The following BCO1 variants were observed in gnomAD, a reference collection of about 807,000 sequenced individuals.
BCO1 encodes beta-carotene oxygenase 1, also known as beta,beta-carotene 15,15'-dioxygenase.
A neutral mutation model predicts 56.3 loss-of-function variants in BCO1; 54 were observed. The ratio of observed to expected loss-of-function variants is 0.96; its 90% CI spans 0.77 to 1.20. The LOEUF (loss-of-function observed/expected upper bound fraction) is 1.20, where lower values mean the gene tolerates loss of function less well. Among genes scored for constraint, BCO1 ranks in the 50% most tolerant of loss-of-function variants. The pLI, the probability that BCO1 is intolerant of heterozygous loss-of-function variation, is 0.00. For synonymous variants in BCO1, 318 were observed against 266.1 expected (o/e 1.20, Z -1.90); for missense variants, 801 against 690.9 (o/e 1.16, Z -1.79).
At position 81,273,260 on chromosome 16, in the gene BCO1, G is replaced by A. The variant is rs569923853; in HGVS notation, c.1101+2844G>A. 1.1e-4 allele frequency among the ~76,000 whole-genome samples: 16 copies of A among 152,224 alleles called. No individual in the cohort carries two copies. In the South Asian group the frequency reaches 3.3e-3, roughly 32 times the overall value. ...GGCCTTCCAAAGTGCTGAGATTACA[G>A]GCATGAGCCACCGTGGCCGGCCCTA... On this transcript the variant is annotated intron_variant, in intron 7 of 10. Transcript: ENST00000258168.
intron 8 of BCO1, among the ~76,000 whole-genome samples, chr16:81,283,370 A>C (rs1456112661): frequency 6.6e-6 from 1 of 152,008 alleles, no homozygotes; most frequent in African/African-American, 2.4e-5. Flanking sequence ...CAGGTGGGGC[A>C]TCTGAGGTCA....
At chr16:81,248,690 G>C (rs11643115) in intron 2 of BCO1, among the ~76,000 whole-genome samples, 16 of 151,766 alleles carry the variant, frequency 1.1e-4, no homozygotes, top group African/African-American at 3.6e-4. Flanking sequence ...AATAAATACT[G>C]TTCTGGATGA....
intron 1 of BCO1, among the ~76,000 whole-genome samples, chr16:81,242,192 C>CTT (rs796252592): frequency 0.022 from 1,697 of 78,478 alleles, 2 homozygotes; most frequent in Non-Finnish European, 0.028. Flanking sequence ...ACTTGGCTGT[C>CTT]TTTTTTTTTT....
At chr16:81,251,852 GCACA>G (rs747747653) in intron 2 of BCO1, among the ~76,000 whole-genome samples, 78 of 140,914 alleles carry the variant, frequency 5.5e-4, no homozygotes, top group African/African-American at 1.8e-3. Flanking sequence ...ACACACACAC[GCACA>G]CACACACACA....
chr16:81,262,836 C>CG (rs1418607219), intron 4 of BCO1: 1 of 112,786 alleles, frequency 8.9e-6, no homozygotes, highest in Non-Finnish European at 2.0e-5. Flanking sequence ...CAAACAAAAA[C>CG]AAAAAAAAAA....
In BCO1 at chr16:81,239,314, G is replaced by T. The variant is rs75299923; in HGVS notation, c.64+342G>T. ...TTACAGGGGTGAGCCACTGCACCTG[G>T]CTTCTTCCTTGTGTTTAGATGGACA... is the stretch of plus-strand genomic sequence containing the variant. On this transcript the variant is annotated intron_variant, in intron 1 of 10. Coordinates refer to ENST00000258168, the MANE Select transcript of BCO1 (RefSeq NM_017429.3). Among the ~76,000 whole-genome samples, 863 of 152,228 alleles carry T rather than the reference G, an allele frequency of 5.7e-3. 8 individuals carry two copies. Among genetic ancestry groups the T allele is most frequent in the African/African-American group, 0.02 (820 of 41,544 alleles).
At chr16:81,268,456 T>A (rs1906972043) in intron 6 of BCO1, among the ~76,000 whole-genome samples, 1 of 152,124 alleles carries the variant, frequency 6.6e-6, no homozygotes, top group Non-Finnish European at 1.5e-5. Context: ...AGAGCTGGGC[T>A]CCTCCCCACC....
At chr16:81,274,779 G>C (rs937571533) in intron 7 of BCO1, among the ~76,000 whole-genome samples, 1 of 152,124 alleles carries the variant, frequency 6.6e-6, no homozygotes, top group African/African-American at 2.4e-5. Context: ...TCAGGAGGCT[G>C]AGGCAGGAGA....
chr16:81,238,942 C>G lies in BCO1; in HGVS notation c.34C>G (p.Gln12Glu). ...DIIFGRNRKEQLEPVRAKVTG... is the reference protein window; with the variant it reads ...DIIFGRNRKEELEPVRAKVTG... ...AATATTTGGCAGGAATAGGAAAGAA[C>G]AGCTGGAGCCTGTGAGGGCCAAAGT... The change falls in exon 1 of 11, where the codon CAG becomes GAG. Residue 12 changes from glutamine to glutamate, a missense_variant. By Grantham distance (29) the Gln-to-Glu change is conservative (BLOSUM62 2). Coordinates refer to ENST00000258168, the MANE Select transcript of BCO1 (RefSeq NM_017429.3). 6.2e-7 allele frequency: 1 copy of G among 1,614,076 alleles called. No individual in the cohort carries two copies. Among genetic ancestry groups the G allele is most frequent in the Non-Finnish European group, 8.5e-7 (1 of 1,180,006 alleles).
At chr16:81,272,024 G>A (rs897304679) in intron 7 of BCO1, among the ~76,000 whole-genome samples, 3 of 152,044 alleles carry the variant, frequency 2.0e-5, no homozygotes, top group African/African-American at 7.2e-5. Flanking sequence ...TGGGGTTTCA[G>A]GTGTGAGCCA....
At chr16:81,265,461 C>G (rs1157736500) in intron 5 of BCO1, among the ~76,000 whole-genome samples, 1 of 149,822 alleles carries the variant, frequency 6.7e-6, no homozygotes, top group Non-Finnish European at 1.5e-5. Context: ...ACCACCCATC[C>G]ACCATCTATC....
At chr16:81,270,934 C>T (rs1330539656) in intron 7 of BCO1, among the ~76,000 whole-genome samples, 3 of 151,856 alleles carry the variant, frequency 2.0e-5, no homozygotes, top group Admixed American at 6.6e-5. Context: ...TTAGTAGAGA[C>T]GGGGTTTCAC....
intron 6 of BCO1, among the ~76,000 whole-genome samples, chr16:81,269,710 C>A (rs1907066166): frequency 6.6e-6 from 1 of 152,298 alleles, no homozygotes; most frequent in South Asian, 2.1e-4. Flanking sequence ...CTCAAGTGAT[C>A]CACCTGCCCG....
At position 81,273,656 on chromosome 16, in the gene BCO1, T is replaced by G. The variant is rs150355043; in HGVS notation, c.1101+3240T>G. 4.5e-4 allele frequency among the ~76,000 whole-genome samples: 67 copies of G among 149,876 alleles called. 1 individual carries two copies. The highest frequency in any genetic ancestry group is 1.6e-3 in the African/African-American group (67 of 41,088). The stretch of plus-strand genomic sequence containing the variant: ...TAAAAATCCTTTTTTTTTTTTCATT[T>G]CAATCAATTCACTCTCTACTTAGCT... On this transcript the variant is annotated intron_variant, in intron 7 of 10. Coordinates refer to ENST00000258168, the MANE Select transcript of BCO1 (RefSeq NM_017429.3).
intron 2 of BCO1, among the ~76,000 whole-genome samples, chr16:81,247,816 A>C (rs1052864207): frequency 3.3e-5 from 5 of 152,014 alleles, no homozygotes; most frequent in Non-Finnish European, 5.9e-5. Context: ...ATGAGCCACC[A>C]CGCCCGGCCC....
intron 7 of BCO1, among the ~76,000 whole-genome samples, chr16:81,279,590 T>C (rs1027350741): frequency 4.6e-5 from 7 of 152,148 alleles, no homozygotes; most frequent in African/African-American, 1.4e-4. Flanking sequence ...GCACAATAAC[T>C]CAAAGATGCA....
At chr16:81,254,295 ATTTTTTTTTTTTT>A (rs57961725) in intron 2 of BCO1, among the ~76,000 whole-genome samples, 9 of 78,288 alleles carry the variant, frequency 1.1e-4, no homozygotes, top group Non-Finnish European at 1.9e-4. Context: ...CGCCCGGCTA[ATTTTTTTTTTTTT>A]TTTTTTTTTT....
chr16:81,290,506 A>G lies in BCO1; in HGVS notation c.1573A>G (p.Thr525Ala). The change falls in exon 11 of 11, where the codon ACA becomes GCA. Residue 525 changes from threonine to alanine, a missense_variant. By Grantham distance (58) the Thr-to-Ala change is moderately conservative (BLOSUM62 0). Coordinates refer to ENST00000258168, the MANE Select transcript of BCO1 (RefSeq NM_017429.3). Reference protein sequence around the residue: ...GLFITDMDWDTKKQAASEEQR... With the variant: ...GLFITDMDWDAKKQAASEEQR... ...ATTCATTACAGACATGGACTGGGAC[A>G]CAAAAAAGCAGGCCGCTTCTGAGGA... The G allele has an allele frequency of 6.2e-7, 1 of 1,614,204 alleles. No individual in the cohort carries two copies. The highest frequency in any genetic ancestry group is 8.5e-7 in the Non-Finnish European group (1 of 1,180,050).
At chr16:81,253,817 G>A (rs1314152617) in intron 2 of BCO1, among the ~76,000 whole-genome samples, 1 of 152,092 alleles carries the variant, frequency 6.6e-6, no homozygotes, top group Non-Finnish European at 1.5e-5. Flanking sequence ...TAAAAAATTA[G>A]CCAGGCATGG....
Sources: allele counts gnomAD v4.1 joint callset (sites outside exome capture counted in the v4.1 genomes callset), GRCh38; gene constraint gnomAD v4.1.1; transcripts MANE v1.5; gene names NCBI Gene and HGNC (gene_info 2026-07-23, HGNC 2026-07-21).